The following EDNRA variants were observed in gnomAD, a reference collection of about 807,000 sequenced individuals.
EDNRA encodes the protein endothelin-1 receptor.
Under a neutral mutation model 41.4 loss-of-function variants are expected in EDNRA, and 11 were observed. That is an observed-to-expected ratio of 0.27 (90% CI 0.17 to 0.44). The LOEUF (loss-of-function observed/expected upper bound fraction) is 0.44. Ranked by LOEUF, EDNRA falls within the 20% of genes least tolerant of loss-of-function variation. The pLI is 1.00. For missense variants in EDNRA, 294 were observed against 531.0 expected (o/e 0.55, Z 4.39); for synonymous variants, 172 against 183.0 (o/e 0.94, Z 0.49).
chr4:147,481,569 C>T (rs1271359792), intron 1 of EDNRA, among the ~76,000 whole-genome samples, 193 bp downstream of exon 1: 3 of 152,338 alleles, frequency 2.0e-5, no homozygotes, highest in East Asian at 3.9e-4. Context: ...GAGGCGGGCG[C>T]CTTCCGTGAG....
At chr4:147,481,900 C>T (rs1484064763) in intron 1 of EDNRA, among the ~76,000 whole-genome samples, 1 of 152,210 alleles carries the variant, frequency 6.6e-6, no homozygotes, top group Admixed American at 6.5e-5. Context: ...GTTTTGGAAA[C>T]CTGCCTGTGG....
intron 2 of EDNRA, among the ~76,000 whole-genome samples, chr4:147,498,327 A>G (rs1729386848): frequency 6.6e-6 from 1 of 152,184 alleles, no homozygotes; most frequent in African/African-American, 2.4e-5. Context: ...CTTCAGAATC[A>G]TCTCCAGCTC....
intron 2 of EDNRA, chr4:147,506,075 C>G: frequency 2.0e-6 from 1 of 507,132 alleles, no homozygotes. Context: ...TCCCTGGGTT[C>G]CCAGTATCCT....
chr4:147,505,941 C>T, intron 2 of EDNRA: 2 of 310,906 alleles, frequency 6.4e-6, no homozygotes, highest in South Asian at 2.9e-5. Context: ...AGTGACCGCG[C>T]CCGGCCGGCA....
chr4:147,536,716 G>A (rs1366399384), intron 5 of EDNRA, among the ~76,000 whole-genome samples: 1 of 152,228 alleles, frequency 6.6e-6, no homozygotes, highest in African/African-American at 2.4e-5. Context: ...TACATTAGAA[G>A]AGGTAAAGTG....
chr4:147,543,601 G>A lies in EDNRA; in HGVS notation c.*983G>A, dbSNP rs188239028. 146 of 152,188 alleles carry A rather than the reference G, an allele frequency of 9.6e-4. 3 individuals carry two copies. The highest frequency in any genetic ancestry group is 3.2e-3 in the African/African-American group (133 of 41,520). The allele number at this position is 152,188 out of a possible 1,614,324, so 9.4% of individuals were successfully genotyped here. A position where few individuals can be genotyped will look rare whatever the true frequency, so the allele number is the denominator to read the frequency against. On this transcript the variant is annotated 3_prime_UTR_variant, in exon 8 of 8. Transcript: ENST00000651419. ...AAAACACACCTAAGAGAAAAAGATC[G>A]AATTTTTCAGATGATTCAGAAATTT...
At position 147,532,566 on chromosome 4, in the gene EDNRA, C is replaced by T. The variant is rs1286882642; in HGVS notation, c.609C>T (p.Ala203=). The change falls in exon 4 of 8, where the codon GCC becomes GCT. Residue 203 remains alanine, a synonymous_variant. Coordinates refer to ENST00000651419, the MANE Select transcript of EDNRA (RefSeq NM_001957.4). The part of the protein sequence containing the change: ...VQGIGIPLVT[A]IEIVSIWILS... ...GAATTGGGATTCCTTTGGTAACTGC[C>T]ATTGAAATTGTCTCCATCTGGATCC... 2 of 1,614,040 alleles carry T rather than the reference C, an allele frequency of 1.2e-6. No homozygotes were observed. The highest frequency in any genetic ancestry group is 4.5e-5 in the East Asian group (2 of 44,880).
At chr4:147,494,675 C>T (rs1729249432) in intron 2 of EDNRA, 1 of 152,220 alleles carries the variant, frequency 6.6e-6, no homozygotes, top group Admixed American at 6.5e-5. Context: ...ATTGTCCAAA[C>T]AGGACAATTT....
intron 2 of EDNRA, among the ~76,000 whole-genome samples, chr4:147,505,928 G>T (rs993436751): frequency 6.6e-6 from 1 of 152,106 alleles, no homozygotes; most frequent in South Asian, 2.1e-4. Flanking sequence ...GATTACAGGC[G>T]TGAGTGACCG....
intron 1 of EDNRA, among the ~76,000 whole-genome samples, chr4:147,482,704 T>A (rs1244171937): frequency 1.3e-5 from 2 of 152,212 alleles, no homozygotes; most frequent in Non-Finnish European, 2.9e-5. Flanking sequence ...GGTGTCATTG[T>A]TGGAGGAGGA....
intron 2 of EDNRA, among the ~76,000 whole-genome samples, chr4:147,504,843 A>T (rs1002662291): frequency 2.7e-5 from 4 of 150,686 alleles, no homozygotes; most frequent in African/African-American, 9.8e-5. Context: ...CTGTGGTCCC[A>T]GCTACTCTGG....
chr4:147,540,283 G>T, intron 6 of EDNRA, 94 bp from the exon 7 acceptor site: 1 of 1,081,340 alleles, frequency 9.2e-7, no homozygotes, highest in South Asian at 1.7e-5. Context: ...ATGGCTTCTG[G>T]GCAAGAAAAA....
intron 2 of EDNRA, among the ~76,000 whole-genome samples, chr4:147,499,163 C>T (rs543149505): frequency 1.3e-5 from 2 of 152,284 alleles, no homozygotes; most frequent in Admixed American, 6.5e-5. Flanking sequence ...CCAAGCAATC[C>T]TCCCACCTAA....
intron 2 of EDNRA, among the ~76,000 whole-genome samples, chr4:147,514,160 G>T (rs1054789047): frequency 2.0e-5 from 3 of 152,176 alleles, no homozygotes; most frequent in Non-Finnish European, 4.4e-5. Context: ...CTTGTGGCAG[G>T]TATGAGAACT....
intron 3 of EDNRA, among the ~76,000 whole-genome samples, chr4:147,531,308 G>A (rs1464127536): frequency 6.6e-6 from 1 of 152,064 alleles, no homozygotes; most frequent in Non-Finnish European, 1.5e-5. Flanking sequence ...CTCTAGCACA[G>A]GGCCATAATG....
At chr4:147,504,692 G>C (rs1451020801) in intron 2 of EDNRA, among the ~76,000 whole-genome samples, 1 of 151,998 alleles carries the variant, frequency 6.6e-6, no homozygotes, top group Non-Finnish European at 1.5e-5. Flanking sequence ...GGTGGTTCAC[G>C]CCTGTAATCC....
chr4:147,484,245 C>G (rs981745541), intron 1 of EDNRA, among the ~76,000 whole-genome samples: 1 of 152,032 alleles, frequency 6.6e-6, no homozygotes, highest in Non-Finnish European at 1.5e-5. Context: ...ACCACTTGCT[C>G]TCTGCAAGTG....
intron 7 of EDNRA, among the ~76,000 whole-genome samples, chr4:147,541,388 G>T (rs1731098821): frequency 6.6e-6 from 1 of 152,152 alleles, no homozygotes; most frequent in Non-Finnish European, 1.5e-5. Flanking sequence ...TACATATGAG[G>T]CAGAGTGCGG....
intron 3 of EDNRA, among the ~76,000 whole-genome samples, chr4:147,521,737 A>G (rs747047264): frequency 7.9e-5 from 12 of 152,234 alleles, no homozygotes; most frequent in Non-Finnish European, 1.2e-4. Context: ...AGATGTAACC[A>G]TGTATTTTCA....
Sources: gnomAD v4.1 joint callset for allele counts (sites outside exome capture counted in the v4.1 genomes callset) on GRCh38, gnomAD v4.1.1 for gene constraint, MANE v1.5 for transcripts, NCBI Gene and HGNC (gene_info 2026-07-23, HGNC 2026-07-21) for gene names.